The following IL1RAPL1 variants were observed in gnomAD, a reference collection of about 807,000 sequenced individuals.
IL1RAPL1 encodes interleukin 1 receptor accessory protein like 1.
Under a neutral mutation model 48.4 loss-of-function variants are expected in IL1RAPL1, and 3 were observed. The observed-to-expected ratio is 0.06, with a 90% confidence interval of 0.03 to 0.16. IL1RAPL1 has a LOEUF of 0.16. IL1RAPL1 is among the 10% of genes least tolerant of loss of function. The pLI is 1.00. For synonymous variants in IL1RAPL1, 185 were observed against 187.7 expected, an observed-to-expected ratio of 0.99 and a Z score of 0.12; for missense variants, 349 against 530.6, an observed-to-expected ratio of 0.66 and a Z score of 3.36.
At chrX:29,932,458 T>TA (rs1337970949) in intron 8 of IL1RAPL1, among the ~76,000 whole-genome samples, 1 of 111,601 alleles carries the variant, frequency 9.0e-6, no homozygotes, top group African/African-American at 3.3e-5. Context: ...GCTTTGAAAA[T>TA]AAAAAAAGAT....
intron 1 of IL1RAPL1, among the ~76,000 whole-genome samples, chrX:28,619,448 A>G (rs1934257403): frequency 1.8e-5 from 2 of 108,518 alleles, no homozygotes; most frequent in Admixed American, 2.0e-4. Context: ...AAACAAACAA[A>G]CAAACAAAAA....
intron 6 of IL1RAPL1, among the ~76,000 whole-genome samples, chrX:29,714,390 A>C (rs1927429137): frequency 8.9e-6 from 1 of 111,996 alleles, no homozygotes; most frequent in Non-Finnish European, 1.9e-5. Flanking sequence ...TCTCATTTCC[A>C]CACAAACCAA....
At chrX:28,845,551 G>A in intron 2 of IL1RAPL1, among the ~76,000 whole-genome samples, 1 of 111,085 alleles carries the variant, frequency 9.0e-6, no homozygotes, top group Admixed American at 9.6e-5. Context: ...ATACATTTAT[G>A]TTTAAATCAT....
intron 1 of IL1RAPL1, among the ~76,000 whole-genome samples, chrX:28,612,798 C>T (rs1177467314): frequency 1.8e-5 from 2 of 111,966 alleles, no homozygotes; most frequent in Non-Finnish European, 3.8e-5. Flanking sequence ...TGGATTTTTA[C>T]ACCTGTGAAA....
intron 2 of IL1RAPL1, among the ~76,000 whole-genome samples, chrX:29,029,495 T>C (rs1253847176): frequency 8.9e-6 from 1 of 111,830 alleles, no homozygotes; most frequent in Non-Finnish European, 1.9e-5. Flanking sequence ...CCAGGTGCTA[T>C]AATCTCTCAA....
At chrX:28,889,472 T>C (rs1275067510) in intron 2 of IL1RAPL1, among the ~76,000 whole-genome samples, 1 of 111,778 alleles carries the variant, frequency 8.9e-6, no homozygotes, top group Non-Finnish European at 1.9e-5. Flanking sequence ...AAGAAATTGT[T>C]ATACTTGCAA....
At chrX:29,367,824 C>T (rs1347466663) in intron 3 of IL1RAPL1, among the ~76,000 whole-genome samples, 1 of 109,511 alleles carries the variant, frequency 9.1e-6, no homozygotes, top group Non-Finnish European at 1.9e-5. Context: ...GGTAATCCGC[C>T]CACCTTGGCC....
At chrX:29,451,046 G>A (rs371868015) in intron 5 of IL1RAPL1, among the ~76,000 whole-genome samples, 1 of 108,069 alleles carries the variant, frequency 9.3e-6, no homozygotes, top group Admixed American at 1.0e-4. Flanking sequence ...AAGGAAGCAC[G>A]TTCAAAAAAG....
intron 1 of IL1RAPL1, among the ~76,000 whole-genome samples, chrX:28,787,469 C>A (rs1936486805): frequency 9.0e-6 from 1 of 111,315 alleles, no homozygotes; most frequent in African/African-American, 3.3e-5. Context: ...TGAATCAGCT[C>A]TTTGGATTAG....
Position 29,022,843 on chromosome X carries a change from A to G in IL1RAPL1, c.82+233418A>G, listed in dbSNP as rs112488504. ...AACTTTAACTCTTTATCACCAATCT[A>G]TAGGCTTCATAGAAATATTAAACAA... On this transcript the variant is annotated intron_variant, in intron 2 of 10. Transcript: ENST00000378993. 6.7e-3 allele frequency among the ~76,000 whole-genome samples: 751 copies of G among 111,871 alleles called. 8 individuals are homozygous for G. Among genetic ancestry groups the G allele is most frequent in the African/African-American group, 0.023 (711 of 30,836 alleles).
intron 2 of IL1RAPL1, among the ~76,000 whole-genome samples, chrX:29,026,056 T>A (rs1191521689): frequency 8.9e-6 from 1 of 111,744 alleles, no homozygotes; most frequent in Non-Finnish European, 1.9e-5. Context: ...ATGAACTAAT[T>A]TTTAGTTTTT....
At chrX:28,673,983 AG>A (rs1934973759) in intron 1 of IL1RAPL1, among the ~76,000 whole-genome samples, 1 of 111,694 alleles carries the variant, frequency 9.0e-6, no homozygotes, top group Non-Finnish European at 1.9e-5. Flanking sequence ...ATTTTTCTAA[AG>A]GTTCATACTG....
At chrX:29,896,881 G>A (rs762204885) in intron 6 of IL1RAPL1, among the ~76,000 whole-genome samples, 3 of 112,575 alleles carry the variant, frequency 2.7e-5, no homozygotes, top group Non-Finnish European at 3.8e-5. Flanking sequence ...CACACATACT[G>A]CAAAATGGCA....
intron 3 of IL1RAPL1, among the ~76,000 whole-genome samples, chrX:29,287,301 G>A (rs1247591489): frequency 9.0e-6 from 1 of 111,566 alleles, no homozygotes; most frequent in East Asian, 2.8e-4. Context: ...GTATTCCATG[G>A]TATGGACTAC....
intron 6 of IL1RAPL1, among the ~76,000 whole-genome samples, chrX:29,880,728 T>G (rs1932009453): frequency 9.0e-6 from 1 of 111,702 alleles, no homozygotes; most frequent in Non-Finnish European, 1.9e-5. Flanking sequence ...TCTGATTCTT[T>G]TTTTCTTTAA....
chrX:29,727,466 C>A (rs1927803620), intron 6 of IL1RAPL1, among the ~76,000 whole-genome samples: 1 of 112,019 alleles, frequency 8.9e-6, no homozygotes, highest in African/African-American at 3.2e-5. Context: ...ATGACAGGGT[C>A]CCCTAACACA....
intron 5 of IL1RAPL1, among the ~76,000 whole-genome samples, chrX:29,436,481 GT>G (rs1419346829): frequency 9.1e-6 from 1 of 109,773 alleles, no homozygotes; most frequent in Non-Finnish European, 1.9e-5. Flanking sequence ...ATTTGCTAAA[GT>G]TTTGAGGACT....
intron 6 of IL1RAPL1, among the ~76,000 whole-genome samples, chrX:29,734,404 G>A (rs1927995594): frequency 8.9e-6 from 1 of 111,967 alleles, no homozygotes; most frequent in Admixed American, 9.5e-5. Flanking sequence ...GCTCTCTCTG[G>A]TTAAATTATA....
At chrX:28,902,881 A>G (rs1371793943) in intron 2 of IL1RAPL1, among the ~76,000 whole-genome samples, 2 of 110,876 alleles carry the variant, frequency 1.8e-5, no homozygotes, top group African/African-American at 6.6e-5. Flanking sequence ...TGTGCATGCC[A>G]GGGAGTGAGG....
Sources: allele counts gnomAD v4.1 joint callset (sites outside exome capture counted in the v4.1 genomes callset), GRCh38; gene constraint gnomAD v4.1.1; transcripts MANE v1.5; gene names NCBI Gene and HGNC (gene_info 2026-07-23, HGNC 2026-07-21).